ANKS1A: variants seen among roughly 807,000 people sequenced by gnomAD.
ANKS1A encodes ankyrin repeat and sterile alpha motif domain containing 1A.
A neutral mutation model predicts 120.3 loss-of-function variants in ANKS1A; 55 were observed. That is an observed-to-expected ratio of 0.46 (90% CI 0.37 to 0.57). The LOEUF is 0.57. Among genes scored for constraint, ANKS1A ranks in the 20% least tolerant of loss-of-function variants. The pLI, the probability that ANKS1A is intolerant of heterozygous loss-of-function variation, is 0.00. For missense variants in ANKS1A, 1,123 were observed against 1,480.3 expected, an observed-to-expected ratio of 0.76 and a Z score of 3.96; for synonymous variants, 590 against 604.7, an observed-to-expected ratio of 0.98 and a Z score of 0.36.
At chr6:34,919,864 C>T (rs913846712) in intron 1 of ANKS1A, among the ~76,000 whole-genome samples, 1 of 152,086 alleles carries the variant, frequency 6.6e-6, no homozygotes, top group Admixed American at 6.6e-5. Flanking sequence ...TGCAGGAAGT[C>T]TTCCCAGTTC....
At chr6:35,059,255 G>A (rs909509754) in intron 12 of ANKS1A, among the ~76,000 whole-genome samples, 30 of 152,240 alleles carry the variant, frequency 2.0e-4, no homozygotes, top group African/African-American at 7.2e-4. Context: ...CGCCCTGCTT[G>A]CCAGCTGCCA....
chr6:34,995,606 A>T (rs2127539791), intron 10 of ANKS1A, among the ~76,000 whole-genome samples: 1 of 152,320 alleles, frequency 6.6e-6, no homozygotes, highest in Non-Finnish European at 1.5e-5. Context: ...CACTGCTCTG[A>T]TGTCTGTCCC....
intron 11 of ANKS1A, among the ~76,000 whole-genome samples, chr6:35,034,740 A>G (rs2689093): frequency 0.91 from 138,709 of 152,264 alleles, 63,927 homozygotes; most frequent in East Asian, 0.99. Flanking sequence ...AAAAGGAAAT[A>G]AAACATCATA....
At position 35,084,529 on chromosome 6, in the gene ANKS1A, T is replaced by C. The variant is rs1159051931; in HGVS notation, c.3132+271T>C. Among the ~76,000 whole-genome samples the C allele has an allele frequency of 6.7e-6, 1 of 149,978 alleles. No homozygotes were observed. The highest frequency in any genetic ancestry group is 2.0e-4 in the East Asian group (1 of 5,036). ...TTTTTTAAGAGATGGAGTCTCACTA[T>C]GTTGCCCAGGCTTGCCTTGCACTCC... On this transcript the variant is annotated intron_variant, in intron 21 of 23. Transcript: ENST00000360359. The surrounding 1 kb of genome is among the most constrained non-coding windows in gnomAD (Gnocchi z 4.8).
At chr6:35,008,681 C>T (rs918478533) in intron 10 of ANKS1A, among the ~76,000 whole-genome samples, 6 of 152,166 alleles carry the variant, frequency 3.9e-5, no homozygotes, top group Non-Finnish European at 7.3e-5. Flanking sequence ...TATGTATTGA[C>T]AGCCATTTAT....
At chr6:35,007,270 A>G (rs924428583) in intron 10 of ANKS1A, among the ~76,000 whole-genome samples, 2 of 152,200 alleles carry the variant, frequency 1.3e-5, no homozygotes, top group Non-Finnish European at 2.9e-5. Context: ...CAGAAATGCC[A>G]TTTGTGCCTA....
chr6:34,956,849 C>T (rs1251490113), intron 1 of ANKS1A, among the ~76,000 whole-genome samples: 1 of 152,196 alleles, frequency 6.6e-6, no homozygotes, highest in East Asian at 1.9e-4. Context: ...CTCTCCTGTG[C>T]AGGTAGAGGA....
chr6:34,906,160 AG>A (rs924740063), intron 1 of ANKS1A, among the ~76,000 whole-genome samples: 1 of 151,836 alleles, frequency 6.6e-6, no homozygotes, highest in Non-Finnish European at 1.5e-5. Context: ...AATGGGTGGC[AG>A]GGGGCAGTGT....
At chr6:35,024,400 A>G (rs568268298) in intron 11 of ANKS1A, among the ~76,000 whole-genome samples, 2 of 152,354 alleles carry the variant, frequency 1.3e-5, no homozygotes, top group East Asian at 1.9e-4. Flanking sequence ...GAAAGAGAAA[A>G]CCACAGAAGG....
In ANKS1A at chr6:35,058,974, C is replaced by G. The variant is rs557170155; in HGVS notation, c.2078-1173C>G. Among the ~76,000 whole-genome samples the G allele has an allele frequency of 1.3e-5, 2 of 152,356 alleles. No homozygotes were observed. Among genetic ancestry groups the G allele is most frequent in the South Asian group, 4.1e-4 (2 of 4,826 alleles). ...CTGGGACGACTGTGGCTGTCTTTAT[C>G]ACTCAGCCAAAGAGAGAACAGCGCA... On this transcript the variant is annotated intron_variant, in intron 12 of 23. Transcript: ENST00000360359. This position sits in a 1 kb window ranked among gnomAD's most constrained non-coding sequence, Gnocchi z 5.1.
intron 10 of ANKS1A, among the ~76,000 whole-genome samples, chr6:35,001,901 C>T (rs897848730): frequency 5.3e-5 from 8 of 152,214 alleles, no homozygotes; most frequent in Non-Finnish European, 1.2e-4. Context: ...GCCTATCTCT[C>T]AAAAGAATTA....
intron 1 of ANKS1A, among the ~76,000 whole-genome samples, chr6:34,948,137 C>G (rs2127490476): frequency 6.7e-6 from 1 of 149,276 alleles, no homozygotes; most frequent in Middle Eastern, 3.5e-3. Flanking sequence ...CACCCATTAA[C>G]TCATCATTTA....
chr6:35,078,648 C>T lies in ANKS1A; in HGVS notation c.2275C>T (p.Leu759=). 1 of 1,602,062 alleles carries T rather than the reference C, an allele frequency of 6.2e-7. No homozygotes were observed. Among genetic ancestry groups the T allele is most frequent in the Non-Finnish European group, 8.5e-7 (1 of 1,179,850 alleles). The change falls in exon 14 of 24, where the codon CTA becomes TTA. Residue 759 remains leucine (L), a synonymous_variant. Coordinates refer to ENST00000360359, the MANE Select transcript of ANKS1A (RefSeq NM_015245.3). ...RRKLLQAARS[L]PKVKALGYDG... ...GAAGCTGCTCCAGGCGGCACGCTCC[C>T]TACCCAAGGTGACCATCGCCGGCCC...
intron 1 of ANKS1A, among the ~76,000 whole-genome samples, chr6:34,947,979 T>C (rs1054086900): frequency 5.9e-5 from 9 of 152,138 alleles, no homozygotes; most frequent in Admixed American, 4.6e-4. Context: ...TTTAAACATA[T>C]TACAATTAGA....
chr6:34,990,244 G>T (rs1280550982), intron 9 of ANKS1A, among the ~76,000 whole-genome samples: 1 of 152,136 alleles, frequency 6.6e-6, no homozygotes, highest in African/African-American at 2.4e-5. Context: ...ATACAAGGAA[G>T]CCCTTTTAAA....
chr6:34,931,831 C>G (rs1194800359), intron 1 of ANKS1A, among the ~76,000 whole-genome samples: 2 of 152,214 alleles, frequency 1.3e-5, no homozygotes, highest in East Asian at 3.8e-4. Flanking sequence ...GTGAAGGACA[C>G]TTGCAGAGAG....
rs1777290645 is a variant in ANKS1A, at chr6:35,075,364, CA to C, written c.2185-3191del. On this transcript the variant is annotated intron_variant, in intron 13 of 23. Transcript: ENST00000360359. ...AGCATAAAAGCCAAAAGATAAATAGCAAACTGGAAAACAAATATCTAACTCA... is the reference window on the plus strand; with the variant it reads ...AGCATAAAAGCCAAAAGATAAATAGCAACTGGAAAACAAATATCTAACTCA... Among the ~76,000 whole-genome samples, 3 of 150,820 alleles carry C rather than the reference CA, an allele frequency of 2.0e-5. No homozygotes were observed. In the South Asian group the frequency reaches 6.3e-4, roughly 32 times the overall value.
intron 1 of ANKS1A, among the ~76,000 whole-genome samples, chr6:34,893,262 G>C (rs1478019151): frequency 1.3e-5 from 2 of 152,090 alleles, no homozygotes; most frequent in African/African-American, 4.8e-5. Context: ...GTTTTGCTGT[G>C]TTGCACCTGT....
chr6:35,026,094 G>A (rs1421731358), intron 11 of ANKS1A, among the ~76,000 whole-genome samples: 2 of 152,180 alleles, frequency 1.3e-5, no homozygotes, highest in Admixed American at 1.3e-4. Flanking sequence ...CTTTATTCCA[G>A]TCCATACAAA....
Sources: gnomAD v4.1 joint callset for allele counts (sites outside exome capture counted in the v4.1 genomes callset) on GRCh38, gnomAD v4.1.1 for gene constraint, Gnocchi (gnomAD v3.1) non-coding constraint, MANE v1.5 for transcripts, NCBI Gene and HGNC (gene_info 2026-07-23, HGNC 2026-07-21) for gene names.